GABRA5: variants seen among roughly 807,000 people sequenced by gnomAD.
The protein encoded by GABRA5 is gamma-aminobutyric acid receptor subunit alpha-5.
A neutral mutation model predicts 47.3 loss-of-function variants in GABRA5; 18 were observed. That is an observed-to-expected ratio of 0.38 (90% CI 0.26 to 0.56). The LOEUF (loss-of-function observed/expected upper bound fraction) is 0.56, where lower values mean the gene tolerates loss of function less well. Ranked by LOEUF, GABRA5 falls within the 20% of genes least tolerant of loss-of-function variation. GABRA5 has a pLI of 0.71. For synonymous variants in GABRA5, 237 were observed against 229.3 expected (o/e 1.03, Z -0.30); for missense variants, 365 against 599.3 (o/e 0.61, Z 4.08).
At chr15:26,886,541 A>G (rs1281630826) in intron 6 of GABRA5, among the ~76,000 whole-genome samples, 1 of 152,184 alleles carries the variant, frequency 6.6e-6, no homozygotes, top group Admixed American at 6.5e-5. Flanking sequence ...TAATGGACAG[A>G]GAGAGTAAGG....
chr15:26,877,069 T>G (rs1158119609), intron 3 of GABRA5, among the ~76,000 whole-genome samples: 1 of 152,138 alleles, frequency 6.6e-6, no homozygotes, highest in Admixed American at 6.5e-5. Context: ...TACACTTCAG[T>G]AGGATTTCAG....
chr15:26,934,047 C>G (rs1051927296), intron 7 of GABRA5, among the ~76,000 whole-genome samples: 2 of 151,536 alleles, frequency 1.3e-5, no homozygotes, highest in African/African-American at 4.8e-5. Flanking sequence ...GAGGCCAGGA[C>G]TTCAAGACCA....
At chr15:26,907,860 C>T (rs1232067977) in intron 6 of GABRA5, among the ~76,000 whole-genome samples, 2 of 152,194 alleles carry the variant, frequency 1.3e-5, no homozygotes, top group African/African-American at 4.8e-5. Flanking sequence ...TGCCTAACTA[C>T]AGGTATACAA....
intron 7 of GABRA5, among the ~76,000 whole-genome samples, chr15:26,933,086 G>A (rs1409243731): frequency 1.4e-5 from 2 of 143,510 alleles, no homozygotes; most frequent in Non-Finnish European, 3.0e-5. Flanking sequence ...TCCTGCACAT[G>A]TATCCCGGAA....
intron 6 of GABRA5, among the ~76,000 whole-genome samples, chr15:26,894,416 G>A (rs1374841448): frequency 6.6e-6 from 1 of 152,122 alleles, no homozygotes; most frequent in East Asian, 1.9e-4. Context: ...GTGAGATGGT[G>A]CGGGCAGCGC....
In GABRA5 at chr15:26,911,388, C is replaced by CACACACACACACACAA. The variant is rs879417314; in HGVS notation, c.498-3406_498-3405insCACACAAACACACACA. 3.4e-5 allele frequency among the ~76,000 whole-genome samples: 5 copies of CACACACACACACACAA among 146,650 alleles called. 1 individual carries two copies. The East Asian group carries it at 8.0e-4, about 24-fold the overall frequency. On this transcript the variant is annotated intron_variant, in intron 6 of 10. Coordinates refer to ENST00000335625, the MANE Select transcript of GABRA5 (RefSeq NM_000810.4). ...TGCTGCATGCACACACACACACACA[C>CACACACACACACACAA]ACACACACAAACACACACACTCCTG...
At chr15:26,869,404 G>A in intron 3 of GABRA5, 70 bp downstream of exon 3, 1 of 927,432 alleles carries the variant, frequency 1.1e-6, no homozygotes, top group Non-Finnish European at 1.8e-6. Flanking sequence ...TGTTACGGGA[G>A]CAGCACATCC....
rs910532276 is a variant in GABRA5, at chr15:26,939,602, C to T, written c.725-323C>T. Reference sequence around the variant, plus strand: ...TCTGGGGAGGCTAAATCCTGAAATCCTAATTGCAGAAGCAGGCGAGGGAGT... The same window carrying T: ...TCTGGGGAGGCTAAATCCTGAAATCTTAATTGCAGAAGCAGGCGAGGGAGT... On this transcript the variant is annotated intron_variant, in intron 8 of 10. Coordinates refer to ENST00000335625, the MANE Select transcript of GABRA5 (RefSeq NM_000810.4). 4 of 602,096 alleles carry T rather than the reference C, an allele frequency of 6.6e-6. No individual in the cohort carries two copies. In the Admixed American group the frequency reaches 1.2e-4, roughly 18 times the overall value. 37.3% of individuals were successfully genotyped at this position (602,096 alleles called of 1,614,324 possible).
chr15:26,934,803 G>T (rs1227026305), intron 7 of GABRA5, among the ~76,000 whole-genome samples: 2 of 152,136 alleles, frequency 1.3e-5, no homozygotes, highest in Admixed American at 1.3e-4. Context: ...AATACCTTGA[G>T]AATTTGTGCC....
chr15:26,936,655 C>T (rs1346900146), intron 7 of GABRA5, among the ~76,000 whole-genome samples: 1 of 152,206 alleles, frequency 6.6e-6, no homozygotes, highest in African/African-American at 2.4e-5. Flanking sequence ...CACCTTCACA[C>T]CCAGGATGGC....
intron 8 of GABRA5, among the ~76,000 whole-genome samples, chr15:26,938,734 T>C (rs1276097615): frequency 6.6e-6 from 1 of 152,232 alleles, no homozygotes; most frequent in African/African-American, 2.4e-5. Flanking sequence ...AAGTGCACCT[T>C]TGCACTGCGG....
chr15:26,914,113 G>A (rs1893665339), intron 6 of GABRA5, among the ~76,000 whole-genome samples: 1 of 152,182 alleles, frequency 6.6e-6, no homozygotes, highest in South Asian at 2.1e-4. Context: ...AGTTACCAGT[G>A]ACAGTGGTAG....
In GABRA5 at chr15:26,945,526, G is replaced by A. The variant is rs570971568; in HGVS notation, c.1089+2100G>A. Among the ~76,000 whole-genome samples, 38 of 152,326 alleles carry A rather than the reference G, an allele frequency of 2.5e-4. 1 individual carries two copies. Among genetic ancestry groups the A allele is most frequent in the African/African-American group, 8.7e-4 (36 of 41,590 alleles). On this transcript the variant is annotated intron_variant, in intron 10 of 10. Coordinates refer to ENST00000335625, the MANE Select transcript of GABRA5 (RefSeq NM_000810.4). The stretch of plus-strand genomic sequence containing the variant: ...GGCCCAGCAAAGCCCAGGCTAACCC[G>A]CTGGGGCGTGTGAGCTGATGCCCAG...
At chr15:26,939,405 G>T in intron 8 of GABRA5, 1 of 765,234 alleles carries the variant, frequency 1.3e-6, no homozygotes, top group Non-Finnish European at 2.4e-6. Context: ...GGGTTGAGCT[G>T]CCAGGACCCA....
Position 26,930,009 on chromosome 15 carries a change from T to C in GABRA5, c.581-7176T>C, listed in dbSNP as rs1420503138. Among the ~76,000 whole-genome samples the C allele has an allele frequency of 8.7e-3, 663 of 76,106 alleles. 2 individuals carry two copies. The highest frequency in any genetic ancestry group is 0.033 in the Middle Eastern group (3 of 90). The allele number at this position is 76,106 out of a possible 152,430, so 49.9% of individuals were successfully genotyped here. The stretch of plus-strand genomic sequence containing the variant: ...TCTTCTTCTTCTTCTTCTTCTTCTT[T>C]TTTTTTTTTTTTTGTTTTTTGTTTT... On this transcript the variant is annotated intron_variant, in intron 7 of 10. Transcript: ENST00000335625.
intron 6 of GABRA5, among the ~76,000 whole-genome samples, chr15:26,890,471 C>T (rs1351623361): frequency 6.9e-6 from 1 of 145,644 alleles, no homozygotes; most frequent in Non-Finnish European, 1.5e-5. Flanking sequence ...CACAGAGCTC[C>T]CTTGTCCTGA....
chr15:26,933,459 C>T (rs1422688175), intron 7 of GABRA5, among the ~76,000 whole-genome samples: 3 of 152,334 alleles, frequency 2.0e-5, no homozygotes, highest in Admixed American at 6.5e-5. Flanking sequence ...TTCCTAAACA[C>T]GGCTGGCCTC....
intron 6 of GABRA5, among the ~76,000 whole-genome samples, chr15:26,892,735 T>A (rs1051311190): frequency 1.3e-5 from 2 of 152,202 alleles, no homozygotes; most frequent in African/African-American, 2.4e-5. Flanking sequence ...GCTGTTACTT[T>A]CCGTTAGCAT....
At chr15:26,885,140 A>G (rs1038229699) in intron 6 of GABRA5, among the ~76,000 whole-genome samples, 3 of 152,080 alleles carry the variant, frequency 2.0e-5, no homozygotes, top group African/African-American at 7.2e-5. Flanking sequence ...ACTAAAAAAA[A>G]TACAAAAAAT....
Sources: allele counts gnomAD v4.1 joint callset (sites outside exome capture counted in the v4.1 genomes callset), GRCh38; gene constraint gnomAD v4.1.1; transcripts MANE v1.5; gene names NCBI Gene and HGNC (gene_info 2026-07-23, HGNC 2026-07-21).